Variants in PTPRO observed in about 807,000 individuals in gnomAD.
PTPRO encodes protein tyrosine phosphatase receptor type O.
PTPRO carries 62 observed loss-of-function variants against 145.2 expected under a neutral mutation model. The observed-to-expected ratio is 0.43, with a 90% CI of 0.35 to 0.53. The LOEUF (loss-of-function observed/expected upper bound fraction) is 0.53, where lower values mean the gene tolerates loss of function less well. Ranked by LOEUF, PTPRO falls within the 20% of genes least tolerant of loss-of-function variation. The probability of loss-of-function intolerance (pLI) is 0.01; values close to 1 mark genes in which losing one functional copy is unlikely to be tolerated. For missense variants in PTPRO, 1,345 were observed against 1,482.7 expected (o/e 0.91, Z 1.53); for synonymous variants, 565 against 514.7 (o/e 1.10, Z -1.32).
rs12369154 is a variant in PTPRO, at chr12:15,508,872, G to A, written c.1464+105G>A. ...TAGGAAGCCAGGCTGAGGTCTGCTG[G>A]GATGGGTGTGTTCTGTGACTGTTCC... On this transcript the variant is annotated intron_variant, in intron 7 of 26. Transcript: ENST00000281171. 5,627 of 1,159,386 alleles carry A rather than the reference G, an allele frequency of 4.9e-3. 27 individuals are homozygous for A. Among genetic ancestry groups the A allele is most frequent in the Non-Finnish European group, 5.6e-3 (4,487 of 799,770 alleles). The allele number at this position is 1,159,386 out of a possible 1,614,324, so 71.8% of individuals were successfully genotyped here.
chr12:15,364,813 T>C (rs991432307), intron 1 of PTPRO, among the ~76,000 whole-genome samples: 1 of 152,178 alleles, frequency 6.6e-6, no homozygotes, highest in Non-Finnish European at 1.5e-5. Context: ...TATAAAGCAC[T>C]GAATCCCGGA....
intron 1 of PTPRO, among the ~76,000 whole-genome samples, chr12:15,397,532 C>T (rs1939374621): frequency 6.6e-6 from 1 of 152,152 alleles, no homozygotes; most frequent in African/African-American, 2.4e-5. Flanking sequence ...GCCACACTTG[C>T]CTGAAATTGG....
At chr12:15,374,219 G>C (rs1472158759) in intron 1 of PTPRO, among the ~76,000 whole-genome samples, 1 of 152,082 alleles carries the variant, frequency 6.6e-6, no homozygotes, top group East Asian at 1.9e-4. Context: ...TGAAATACTG[G>C]GAAGGAAAGA....
At chr12:15,401,837 T>C (rs2136299985) in intron 1 of PTPRO, among the ~76,000 whole-genome samples, 1 of 152,378 alleles carries the variant, frequency 6.6e-6, no homozygotes, top group South Asian at 2.1e-4. Flanking sequence ...CAATTTTCTA[T>C]GTTTAATTAA....
At chr12:15,475,213 C>T (rs1591634198) in intron 1 of PTPRO, among the ~76,000 whole-genome samples, 1 of 152,196 alleles carries the variant, frequency 6.6e-6, no homozygotes, top group Non-Finnish European at 1.5e-5. Flanking sequence ...GCTGCTAAAA[C>T]ATAGAGAAAG....
rs192408885 is a variant in PTPRO at position 15,440,615 on chromosome 12, C to T, written c.76-43359C>T. The stretch of plus-strand genomic sequence containing the variant: ...GTGGCTCACACCTCTAATCCCAGCA[C>T]TTTGGGAGGCCAAGGCAGGCAGATC... On this transcript the variant is annotated intron_variant, in intron 1 of 26. Coordinates refer to ENST00000281171, the MANE Select transcript of PTPRO (RefSeq NM_030667.3). Among the ~76,000 whole-genome samples, 620 of 152,242 alleles carry T rather than the reference C, an allele frequency of 4.1e-3. 3 individuals carry two copies. Among genetic ancestry groups the T allele is most frequent in the South Asian group, 0.018 (86 of 4,816 alleles).
intron 1 of PTPRO, among the ~76,000 whole-genome samples, chr12:15,357,510 A>G (rs1938033557): frequency 6.6e-6 from 1 of 152,224 alleles, no homozygotes; most frequent in East Asian, 1.9e-4. Flanking sequence ...TATATCCAGA[A>G]TCTACAATGA....
intron 1 of PTPRO, among the ~76,000 whole-genome samples, chr12:15,403,828 C>A (rs1939570158): frequency 6.6e-6 from 1 of 152,006 alleles, no homozygotes; most frequent in South Asian, 2.1e-4. Context: ...TAGACACACA[C>A]ACACACACCA....
At chr12:15,575,194 C>T (rs11056568) in intron 19 of PTPRO, among the ~76,000 whole-genome samples, 8 of 151,844 alleles carry the variant, frequency 5.3e-5, no homozygotes, top group African/African-American at 1.2e-4. Flanking sequence ...GGGTTTTATT[C>T]GGTGAAAAGG....
At chr12:15,416,155 G>C (rs1939965262) in intron 1 of PTPRO, among the ~76,000 whole-genome samples, 1 of 151,470 alleles carries the variant, frequency 6.6e-6, no homozygotes, top group Non-Finnish European at 1.5e-5. Flanking sequence ...AAATTTTGTT[G>C]AGCAGTACTG....
chr12:15,497,411 G>A lies in PTPRO; in HGVS notation c.508+8G>A, dbSNP rs774407287. ...GGACAATGCTATATAAAGGTAAGCA[G>A]CAAAAGGAAAGCTGAATCAATGATG... On this transcript the variant is annotated splice_region_variant and intron_variant, in intron 3 of 26. Coordinates refer to ENST00000281171, the MANE Select transcript of PTPRO (RefSeq NM_030667.3). The A allele has an allele frequency of 3.1e-6, 5 of 1,612,202 alleles. No individual in the cohort carries two copies. The African/African-American group carries it at 6.7e-5, about 22-fold the overall frequency.
At chr12:15,358,584 C>A (rs1938073282) in intron 1 of PTPRO, among the ~76,000 whole-genome samples, 1 of 152,152 alleles carries the variant, frequency 6.6e-6, no homozygotes, top group African/African-American at 2.4e-5. Context: ...ATCCTGGAGA[C>A]TCTCTAATCT....
Position 15,557,031 on chromosome 12 carries a change from T to TA in PTPRO, c.2559-424_2559-423insA, listed in dbSNP as rs1943645999. ...GAACTTCTATTAGCTTCTTTTATTT[T>TA]GTTTTTTTTTTTTTTCTTTTTCTTT... On this transcript the variant is annotated intron_variant, in intron 15 of 26. Transcript: ENST00000281171. Among the ~76,000 whole-genome samples, 3 of 139,452 alleles carry TA rather than the reference T, an allele frequency of 2.2e-5. No individual in the cohort carries two copies. The Admixed American group carries it at 2.3e-4, about 11-fold the overall frequency. The allele number at this position is 139,452 out of a possible 152,430, so 91.5% of individuals were successfully genotyped here.
chr12:15,558,238 T>A (rs1394836921), intron 16 of PTPRO, among the ~76,000 whole-genome samples: 2 of 152,056 alleles, frequency 1.3e-5, no homozygotes, highest in Non-Finnish European at 2.9e-5. Flanking sequence ...CAACCCAGCA[T>A]CTCCATTTTA....
chr12:15,503,511 C>T (rs1942261202), intron 5 of PTPRO, among the ~76,000 whole-genome samples: 1 of 152,028 alleles, frequency 6.6e-6, no homozygotes, highest in Admixed American at 6.6e-5. Flanking sequence ...GTTAATACTA[C>T]CACAAAGAAC....
chr12:15,387,002 G>C (rs947035554), intron 1 of PTPRO, among the ~76,000 whole-genome samples: 1 of 152,180 alleles, frequency 6.6e-6, no homozygotes, highest in African/African-American at 2.4e-5. Flanking sequence ...GAAGATTGGA[G>C]ACTGGCTTAA....
chr12:15,429,487 C>T (rs1435417682), intron 1 of PTPRO, among the ~76,000 whole-genome samples: 1 of 151,824 alleles, frequency 6.6e-6, no homozygotes, highest in Non-Finnish European at 1.5e-5. Context: ...AAAGGAGAGG[C>T]TAGAGTAGGA....
At chr12:15,561,610 T>G (rs1194425871) in intron 17 of PTPRO, among the ~76,000 whole-genome samples, 1 of 152,106 alleles carries the variant, frequency 6.6e-6, no homozygotes, top group Non-Finnish European at 1.5e-5. Flanking sequence ...CACAGTCAAC[T>G]CCGTATTTTC....
At position 15,442,340 on chromosome 12, in the gene PTPRO, A is replaced by G. The variant is rs527947787; in HGVS notation, c.76-41634A>G. On this transcript the variant is annotated intron_variant, in intron 1 of 26. Transcript: ENST00000281171. ...TCAAGAAACTAGGCATCAAAGGAAC[A>G]TACTTCAAAATAATAAAAGCAATCT... 2.0e-3 allele frequency among the ~76,000 whole-genome samples: 307 copies of G among 152,290 alleles called. 1 individual carries two copies. The highest frequency in any genetic ancestry group is 3.4e-3 in the Middle Eastern group (1 of 294).
Sources: gnomAD v4.1 joint callset for allele counts (sites outside exome capture counted in the v4.1 genomes callset) on GRCh38, gnomAD v4.1.1 for gene constraint, MANE v1.5 for transcripts, NCBI Gene and HGNC (gene_info 2026-07-23, HGNC 2026-07-21) for gene names.